PLCL2: variants seen among roughly 807,000 people sequenced by gnomAD.
The protein encoded by PLCL2 is inactive phospholipase C-like protein 2.
Under a neutral mutation model 79.6 loss-of-function variants are expected in PLCL2, and 4 were observed. The observed-to-expected ratio is 0.05, with a 90% confidence interval of 0.02 to 0.11. PLCL2 has a LOEUF of 0.11. Among genes scored for constraint, PLCL2 ranks in the 10% least tolerant of loss-of-function variants. The pLI is 1.00. For synonymous variants in PLCL2, 484 were observed against 457.7 expected, an observed-to-expected ratio of 1.06 and a Z score of -0.73; for missense variants, 895 against 1,291.0, an observed-to-expected ratio of 0.69 and a Z score of 4.70.
At chr3:16,972,757 G>T (rs1169714573) in intron 1 of PLCL2, among the ~76,000 whole-genome samples, 1 of 151,894 alleles carries the variant, frequency 6.6e-6, no homozygotes, top group Non-Finnish European at 1.5e-5. Flanking sequence ...TGTCTTTTTT[G>T]ATCATTATTG....
chr3:16,958,424 A>G (rs1303816375), intron 1 of PLCL2, among the ~76,000 whole-genome samples: 1 of 152,200 alleles, frequency 6.6e-6, no homozygotes, highest in East Asian at 1.9e-4. Flanking sequence ...TGTACAGTAA[A>G]TGTGGGTGGG....
chr3:16,897,484 G>C (rs1304898225), intron 1 of PLCL2, among the ~76,000 whole-genome samples: 1 of 152,132 alleles, frequency 6.6e-6, no homozygotes, highest in Non-Finnish European at 1.5e-5. Context: ...GCCTCCCTAG[G>C]AAAAATTGTC....
chr3:16,962,405 G>T (rs2063763438), intron 1 of PLCL2, among the ~76,000 whole-genome samples: 1 of 147,808 alleles, frequency 6.8e-6, no homozygotes, highest in Non-Finnish European at 1.5e-5. Flanking sequence ...GCAATCAGGA[G>T]CCTCATCCAG....
intron 1 of PLCL2, among the ~76,000 whole-genome samples, chr3:16,906,114 G>A (rs1696746849): frequency 6.6e-6 from 1 of 151,928 alleles, no homozygotes; most frequent in Admixed American, 6.6e-5. Context: ...GGTCAGATCT[G>A]TTAATATTAT....
chr3:16,994,248 A>G (rs2064130950), intron 1 of PLCL2, among the ~76,000 whole-genome samples: 1 of 152,262 alleles, frequency 6.6e-6, no homozygotes, highest in Admixed American at 6.5e-5. Context: ...GACCTTCTGC[A>G]GTCCAAATTC....
intron 1 of PLCL2, among the ~76,000 whole-genome samples, chr3:16,992,607 A>C (rs1334733283): frequency 6.6e-6 from 1 of 152,166 alleles, no homozygotes; most frequent in Non-Finnish European, 1.5e-5. Context: ...CAGTGCCTGC[A>C]GGGCTCCCCT....
intron 1 of PLCL2, among the ~76,000 whole-genome samples, chr3:16,902,129 C>T (rs941001248): frequency 9.9e-5 from 15 of 152,222 alleles, no homozygotes; most frequent in African/African-American, 3.1e-4. Flanking sequence ...TCACATCCAA[C>T]CTTCCCTGTC....
At chr3:17,079,724 C>G (rs902150428) in intron 5 of PLCL2, among the ~76,000 whole-genome samples, 3 of 152,306 alleles carry the variant, frequency 2.0e-5, no homozygotes, top group African/African-American at 7.2e-5. Context: ...GGCATTCATT[C>G]TGAATTTAAA....
intron 1 of PLCL2, among the ~76,000 whole-genome samples, chr3:16,999,377 A>G (rs1230264973): frequency 6.6e-6 from 1 of 152,198 alleles, no homozygotes; most frequent in East Asian, 1.9e-4. Context: ...TATTGCAGTG[A>G]CACATTTATG....
chr3:17,053,291 C>T (rs1462365389), intron 4 of PLCL2, among the ~76,000 whole-genome samples: 2 of 152,094 alleles, frequency 1.3e-5, no homozygotes, highest in African/African-American at 2.4e-5. Flanking sequence ...GCCCATCTTA[C>T]ATGGCTGGAG....
intron 5 of PLCL2, among the ~76,000 whole-genome samples, chr3:17,073,423 G>A (rs1393328644): frequency 6.6e-6 from 1 of 152,180 alleles, no homozygotes; most frequent in Non-Finnish European, 1.5e-5. Context: ...TCAGTTAGTT[G>A]TAATCCTTTT....
chr3:17,060,217 G>A (rs1483187085), intron 4 of PLCL2, among the ~76,000 whole-genome samples: 1 of 152,170 alleles, frequency 6.6e-6, no homozygotes, highest in South Asian at 2.1e-4. Flanking sequence ...CTACCCAGAT[G>A]GAAAGTGCTG....
At chr3:16,932,269 C>T (rs557170409) in intron 1 of PLCL2, among the ~76,000 whole-genome samples, 2 of 152,308 alleles carry the variant, frequency 1.3e-5, no homozygotes, top group South Asian at 2.1e-4. Context: ...TGTTAGCATA[C>T]GCATTGTCTC....
intron 5 of PLCL2, among the ~76,000 whole-genome samples, chr3:17,081,749 AC>A (rs2065164355): frequency 6.6e-6 from 1 of 152,226 alleles, no homozygotes; most frequent in South Asian, 2.1e-4. Context: ...CAGGTAAGCC[AC>A]AGGCTCAGCC....
Position 17,011,110 on chromosome 3 carries a change from A to T in PLCL2, c.1764A>T (p.Glu588Asp). The T allele has an allele frequency of 2.5e-6, 4 of 1,614,126 alleles. No individual in the cohort carries two copies. The highest frequency in any genetic ancestry group is 3.4e-6 in the Non-Finnish European group (4 of 1,180,008). The change falls in exon 2 of 6, where the codon GAA becomes GAT. Residue 588 changes from glutamate to aspartate, a missense_variant. Coordinates refer to ENST00000615277, the MANE Select transcript of PLCL2 (RefSeq NM_001144382.2). This position sits in a 1 kb window ranked among gnomAD's most constrained non-coding sequence, Gnocchi z 7.9. ...GVEGDVTDED[E>D]GAEMSQRMGK... ...AAGGAGATGTTACTGACGAAGATGA[A>T]GGAGCAGAAATGTCTCAGAGGATGG...
chr3:17,008,833 T>G (rs1013544787), intron 1 of PLCL2, among the ~76,000 whole-genome samples: 1 of 152,122 alleles, frequency 6.6e-6, no homozygotes, highest in Non-Finnish European at 1.5e-5. Context: ...CTTTCTATTT[T>G]TTGAGACAGG....
chr3:17,045,136 T>C (rs896389509), intron 4 of PLCL2, among the ~76,000 whole-genome samples: 5 of 152,218 alleles, frequency 3.3e-5, no homozygotes, highest in African/African-American at 1.2e-4. Context: ...TATGAAGAAT[T>C]GCTAATTTGT....
intron 1 of PLCL2, among the ~76,000 whole-genome samples, chr3:16,945,254 AC>A (rs2063589831): frequency 6.6e-6 from 1 of 151,786 alleles, no homozygotes; most frequent in African/African-American, 2.4e-5. Context: ...ACACACACAC[AC>A]ACACACATAC....
chr3:17,058,252 A>G (rs2064911066), intron 4 of PLCL2, among the ~76,000 whole-genome samples: 5 of 152,236 alleles, frequency 3.3e-5, no homozygotes, highest in Admixed American at 3.3e-4. Context: ...GGAATATCAC[A>G]TGGGAAAAAC....
Sources: gnomAD v4.1 joint callset for allele counts (sites outside exome capture counted in the v4.1 genomes callset) on GRCh38, gnomAD v4.1.1 for gene constraint, Gnocchi (gnomAD v3.1) non-coding constraint, MANE v1.5 for transcripts, NCBI Gene and HGNC (gene_info 2026-07-23, HGNC 2026-07-21) for gene names.